Variants in PCDHGA10 observed in about 807,000 individuals in gnomAD.
The protein encoded by PCDHGA10 is protocadherin gamma subfamily A, 10.
PCDHGA10 carries 42 observed loss-of-function variants against 59.5 expected under a neutral mutation model. That is an observed-to-expected ratio of 0.71 (90% CI 0.55 to 0.91). The LOEUF (loss-of-function observed/expected upper bound fraction) is 0.91, where lower values mean the gene tolerates loss of function less well. Ranked by LOEUF, PCDHGA10 falls within the 40% of genes least tolerant of loss-of-function variation. The probability of loss-of-function intolerance (pLI) is 0.00; values close to 1 mark genes in which losing one functional copy is unlikely to be tolerated. For missense variants in PCDHGA10, 1,111 were observed against 1,198.2 expected, an observed-to-expected ratio of 0.93 and a Z score of 1.07; for synonymous variants, 511 against 517.2, an observed-to-expected ratio of 0.99 and a Z score of 0.16.
rs2099697431 is a variant in PCDHGA10 at position 141,490,222 on chromosome 5, C to T, written c.2437-4585C>T. The T allele has an allele frequency of 6.2e-7, 1 of 1,614,094 alleles. No homozygotes were observed. Among genetic ancestry groups the T allele is most frequent in the African/African-American group, 1.3e-5 (1 of 74,934 alleles). On this transcript the variant is annotated intron_variant, in intron 1 of 3. Coordinates refer to ENST00000398610, the MANE Select transcript of PCDHGA10 (RefSeq NM_018913.3). This position sits in a 1 kb window ranked among gnomAD's most constrained non-coding sequence, Gnocchi z 5.4. The stretch of plus-strand genomic sequence containing the variant: ...TGCAAGAGCCCGTGACCAGGGACAG[C>T]CTGCCATGGAGGGCCACTGTGTGAT...
Position 141,432,097 on chromosome 5 carries a change from C to T in PCDHGA10, c.2436+16486C>T, listed in dbSNP as rs1428283489. The stretch of plus-strand genomic sequence containing the variant: ...TCTCGCTGAACGTGGCAGACACCAA[C>T]GACAACCCGCCGGTCTTCCCTCAGG... On this transcript the variant is annotated intron_variant, in intron 1 of 3. Transcript: ENST00000398610. This position sits in a 1 kb window ranked among gnomAD's most constrained non-coding sequence, Gnocchi z 6.0. 6 of 1,614,066 alleles carry T rather than the reference C, an allele frequency of 3.7e-6. No individual in the cohort carries two copies. The highest frequency in any genetic ancestry group is 2.7e-5 in the African/African-American group (2 of 74,920).
At chr5:141,421,994 T>A (rs765586654) in intron 1 of PCDHGA10, 3 of 1,608,922 alleles carry the variant, frequency 1.9e-6, no homozygotes, top group Non-Finnish European at 2.5e-6. Flanking sequence ...CCAGAAAACA[T>A]CAGCTCCGGA....
intron 1 of PCDHGA10, among the ~76,000 whole-genome samples, chr5:141,484,021 G>A (rs892390865): frequency 2.6e-5 from 4 of 151,080 alleles, no homozygotes; most frequent in African/African-American, 9.7e-5. Context: ...GGGGTGGGGT[G>A]AGATCAAGTC....
chr5:141,486,345 A>C lies in PCDHGA10; in HGVS notation c.2437-8462A>C. On this transcript the variant is annotated intron_variant, in intron 1 of 3. Coordinates refer to ENST00000398610, the MANE Select transcript of PCDHGA10 (RefSeq NM_018913.3). This position sits in a 1 kb window ranked among gnomAD's most constrained non-coding sequence, Gnocchi z 5.0. Reference sequence around the variant, plus strand: ...GGAGATGTGAGCCTCCGCATTCCTGACCACTTGCCATTTGCCCTCAAGTCT... The same window carrying C: ...GGAGATGTGAGCCTCCGCATTCCTGCCCACTTGCCATTTGCCCTCAAGTCT... The C allele has an allele frequency of 6.2e-7, 1 of 1,613,940 alleles. No homozygotes were observed. The highest frequency in any genetic ancestry group is 8.5e-7 in the Non-Finnish European group (1 of 1,179,986).
rs762783104 is a variant in PCDHGA10 at position 141,485,601 on chromosome 5, G to A, written c.2437-9206G>A. 4.3e-6 allele frequency: 7 copies of A among 1,612,290 alleles called. No homozygotes were observed. The highest frequency in any genetic ancestry group is 5.9e-6 in the Non-Finnish European group (7 of 1,178,722). On this transcript the variant is annotated intron_variant, in intron 1 of 3. Transcript: ENST00000398610. The surrounding 1 kb of genome is among the most constrained non-coding windows in gnomAD (Gnocchi z 5.7). ...CGGCAGCAGCTGGACTTGGAAATTG[G>A]GGAGGCAGCTCCTCCAGGACAGCGT...
chr5:141,413,170 A>T lies in PCDHGA10; in HGVS notation c.-6A>T, dbSNP rs751830095. 6.3e-7 allele frequency: 1 copy of T among 1,595,602 alleles called. No homozygotes were observed. Among genetic ancestry groups the T allele is most frequent in the South Asian group, 1.1e-5 (1 of 88,846 alleles). ...GGACTTTGCAGAATTCTGTAACCAG[A>T]CTACAATGGCCGCTCAAAGGAATCG... is the stretch of plus-strand genomic sequence containing the variant. On this transcript the variant is annotated 5_prime_UTR_variant, in exon 1 of 4. Coordinates refer to ENST00000398610, the MANE Select transcript of PCDHGA10 (RefSeq NM_018913.3).
rs749781059 is a variant in PCDHGA10 at position 141,477,983 on chromosome 5, C to G, written c.2437-16824C>G. On this transcript the variant is annotated intron_variant, in intron 1 of 3. Coordinates refer to ENST00000398610, the MANE Select transcript of PCDHGA10 (RefSeq NM_018913.3). This position sits in a 1 kb window ranked among gnomAD's most constrained non-coding sequence, Gnocchi z 4.9. ...TAACCAGAGCCTTTTTGCCATAGGG[C>G]TGCACACTGGTCAAATCAGTACTGC... The G allele has an allele frequency of 1.7e-5, 27 of 1,614,126 alleles. No homozygotes were observed. The highest frequency in any genetic ancestry group is 2.3e-5 in the Non-Finnish European group (27 of 1,180,024).
chr5:141,453,116 GT>G (rs2098756689), intron 1 of PCDHGA10, among the ~76,000 whole-genome samples: 1 of 151,698 alleles, frequency 6.6e-6, no homozygotes, highest in Admixed American at 6.6e-5. Context: ...GTTTTGTTTT[GT>G]TTTGTTTTGT....
Position 141,491,248 on chromosome 5 carries a change from G to T in PCDHGA10, c.2437-3559G>T, listed in dbSNP as rs757712577. On this transcript the variant is annotated intron_variant, in intron 1 of 3. Transcript: ENST00000398610. The surrounding 1 kb of genome is among the most constrained non-coding windows in gnomAD (Gnocchi z 6.9). ...AGTGCTGCTGGTTCTGGAGGATGAG[G>T]ACCCTGAGGAAATGCCCAAATCCAG... 3 of 1,614,170 alleles carry T rather than the reference G, an allele frequency of 1.9e-6. No individual in the cohort carries two copies. Among genetic ancestry groups the T allele is most frequent in the Non-Finnish European group, 2.5e-6 (3 of 1,180,018 alleles).
In PCDHGA10 at chr5:141,476,316, G is replaced by A. The variant is rs536532455; in HGVS notation, c.2437-18491G>A. On this transcript the variant is annotated intron_variant, in intron 1 of 3. Coordinates refer to ENST00000398610, the MANE Select transcript of PCDHGA10 (RefSeq NM_018913.3). This position sits in a 1 kb window ranked among gnomAD's most constrained non-coding sequence, Gnocchi z 7.6. ...GGTAGCCTCTCAGCCCGCAGGTTCC[G>A]GGTGGTGTCTGGAGCTAGCCGAAGA... is the stretch of plus-strand genomic sequence containing the variant. The A allele has an allele frequency of 6.2e-7, 1 of 1,614,176 alleles. No individual in the cohort carries two copies. The highest frequency in any genetic ancestry group is 1.7e-5 in the Admixed American group (1 of 60,028).
chr5:141,469,213 G>C (rs866405809), intron 1 of PCDHGA10, among the ~76,000 whole-genome samples: 4 of 150,912 alleles, frequency 2.7e-5, no homozygotes, highest in African/African-American at 9.7e-5. Flanking sequence ...TGAAGTTGAG[G>C]CTTCAGTGAG....
In PCDHGA10 at chr5:141,491,801, G is replaced by C; in HGVS notation, c.2437-3006G>C. 1 of 1,500,844 alleles carries C rather than the reference G, an allele frequency of 6.7e-7. No individual in the cohort carries two copies. Among genetic ancestry groups the C allele is most frequent in the Non-Finnish European group, 8.9e-7 (1 of 1,125,292 alleles). The allele number at this position is 1,500,844 out of a possible 1,614,324, so 93.0% of individuals were successfully genotyped here. The stretch of plus-strand genomic sequence containing the variant: ...AACTTGCATCCACTCCTCTCCGGCC[G>C]GCTTGGTCGCTGGCTGCGCTCCACC... On this transcript the variant is annotated intron_variant, in intron 1 of 3. Coordinates refer to ENST00000398610, the MANE Select transcript of PCDHGA10 (RefSeq NM_018913.3). The surrounding 1 kb of genome is among the most constrained non-coding windows in gnomAD (Gnocchi z 6.9).
Position 141,487,544 on chromosome 5 carries a change from C to A in PCDHGA10, c.2437-7263C>A. 1 of 1,614,190 alleles carries A rather than the reference C, an allele frequency of 6.2e-7. No homozygotes were observed. The highest frequency in any genetic ancestry group is 1.1e-5 in the South Asian group (1 of 91,088). On this transcript the variant is annotated intron_variant, in intron 1 of 3. Transcript: ENST00000398610. This position sits in a 1 kb window ranked among gnomAD's most constrained non-coding sequence, Gnocchi z 5.0. ...TGATAGCTTCATGATGGTGAAGTCA[C>A]CCAGTGCACCTATGGCAGGGGAGCC... is the stretch of plus-strand genomic sequence containing the variant.
In PCDHGA10 at chr5:141,476,087, C is replaced by T. The variant is rs758610836; in HGVS notation, c.2437-18720C>T. The stretch of plus-strand genomic sequence containing the variant: ...AGCGAAATCTCAGGGACGATCTGGA[C>T]CCCGCTGAGAGGAACTGCTTTTGAG... On this transcript the variant is annotated intron_variant, in intron 1 of 3. Coordinates refer to ENST00000398610, the MANE Select transcript of PCDHGA10 (RefSeq NM_018913.3). This position sits in a 1 kb window ranked among gnomAD's most constrained non-coding sequence, Gnocchi z 7.6. 9 of 1,553,656 alleles carry T rather than the reference C, an allele frequency of 5.8e-6. No individual in the cohort carries two copies. The South Asian group carries it at 1.1e-4, about 19-fold the overall frequency.
chr5:141,418,637 T>A, intron 1 of PCDHGA10: 1 of 1,613,998 alleles, frequency 6.2e-7, no homozygotes. Context: ...TCCAGGCACC[T>A]CCATCCTGAG....
At chr5:141,467,628 C>G (rs181245841) in intron 1 of PCDHGA10, among the ~76,000 whole-genome samples, 49 of 152,224 alleles carry the variant, frequency 3.2e-4, no homozygotes, top group African/African-American at 1.1e-3. Context: ...TTTGAGATAG[C>G]ATCTTTATCA....
chr5:141,473,975 G>T (rs188916402), intron 1 of PCDHGA10, among the ~76,000 whole-genome samples: 1 of 152,104 alleles, frequency 6.6e-6, no homozygotes, highest in Non-Finnish European at 1.5e-5. Flanking sequence ...AGTCTGAGGC[G>T]GGAGGATCCC....
intron 1 of PCDHGA10, among the ~76,000 whole-genome samples, chr5:141,494,146 T>C (rs1167835696): frequency 1.3e-5 from 2 of 152,168 alleles, no homozygotes; most frequent in Non-Finnish European, 2.9e-5. Context: ...TCACAGACCA[T>C]TGTCTGGCAC....
chr5:141,453,387 G>A (rs1313174494), intron 1 of PCDHGA10, among the ~76,000 whole-genome samples: 1 of 151,936 alleles, frequency 6.6e-6, no homozygotes, highest in Non-Finnish European at 1.5e-5. Flanking sequence ...TCCTGCCTTA[G>A]CCTCCAAGTG....
Sources: allele counts gnomAD v4.1 joint callset (sites outside exome capture counted in the v4.1 genomes callset), GRCh38; gene constraint gnomAD v4.1.1; non-coding constraint Gnocchi (gnomAD v3.1); transcripts MANE v1.5; gene names NCBI Gene and HGNC (gene_info 2026-07-23, HGNC 2026-07-21).